Variants in ROR2 observed in about 807,000 individuals in gnomAD.
ROR2 encodes ROR family WNT receptor 2.
In ROR2, 33 loss-of-function variants were observed where a neutral mutation model predicts 74.9. That is an observed-to-expected ratio of 0.44 (90% CI 0.33 to 0.59). The LOEUF (loss-of-function observed/expected upper bound fraction) is 0.59. ROR2 is among the 20% of genes least tolerant of loss of function. The probability of loss-of-function intolerance (pLI) is 0.02; values close to 1 mark genes in which losing one functional copy is unlikely to be tolerated. For missense variants in ROR2, 1,216 were observed against 1,313.8 expected (o/e 0.93, Z 1.15); for synonymous variants, 586 against 558.7 (o/e 1.05, Z -0.69).
At chr9:91,856,307 G>T (rs1394678425) in intron 1 of ROR2, among the ~76,000 whole-genome samples, 1 of 152,194 alleles carries the variant, frequency 6.6e-6, no homozygotes, top group Non-Finnish European at 1.5e-5. Flanking sequence ...GTGAGCTGTG[G>T]TTGCACCACT....
chr9:91,915,530 G>C (rs896578824), intron 1 of ROR2, among the ~76,000 whole-genome samples: 4 of 152,070 alleles, frequency 2.6e-5, no homozygotes, highest in Non-Finnish European at 4.4e-5. Context: ...GCTTTCAAAG[G>C]TGGCACTGGA....
At chr9:91,778,456 G>A (rs554515420) in intron 1 of ROR2, among the ~76,000 whole-genome samples, 3 of 152,304 alleles carry the variant, frequency 2.0e-5, no homozygotes, top group East Asian at 3.9e-4. Flanking sequence ...TTCACCTGGT[G>A]CAGGCACCCT....
At chr9:91,798,748 G>A (rs543842720) in intron 1 of ROR2, among the ~76,000 whole-genome samples, 33 of 152,198 alleles carry the variant, frequency 2.2e-4, no homozygotes, top group African/African-American at 8.0e-4. Context: ...AGTGTGAGAT[G>A]CCCCCTCTCA....
At chr9:91,773,127 C>A (rs866699591) in intron 2 of ROR2, among the ~76,000 whole-genome samples, 7 of 152,154 alleles carry the variant, frequency 4.6e-5, no homozygotes, top group African/African-American at 1.4e-4. Flanking sequence ...GCCCCTGCAG[C>A]CCTCTGCTCC....
chr9:91,883,520 T>C (rs1830179553), intron 1 of ROR2: 1 of 152,224 alleles, frequency 6.6e-6, no homozygotes, highest in African/African-American at 2.4e-5. Flanking sequence ...AGATCAGAAA[T>C]GCAGTTCTTC....
intron 1 of ROR2, among the ~76,000 whole-genome samples, chr9:91,876,441 G>A (rs1415750460): frequency 6.6e-6 from 1 of 152,104 alleles, no homozygotes; most frequent in Non-Finnish European, 1.5e-5. Context: ...AGGGTCCCTG[G>A]TAAAATAGCC....
intron 1 of ROR2, among the ~76,000 whole-genome samples, chr9:91,855,735 G>A (rs1043650593): frequency 1.3e-5 from 2 of 152,110 alleles, no homozygotes; most frequent in African/African-American, 2.4e-5. Context: ...GGGTGGTATG[G>A]GGGAGAAGCA....
intron 5 of ROR2, among the ~76,000 whole-genome samples, chr9:91,735,199 A>G (rs1314440775): frequency 6.6e-6 from 1 of 152,216 alleles, no homozygotes; most frequent in Non-Finnish European, 1.5e-5. Flanking sequence ...TCTAGGCACA[A>G]AGAGATCCAA....
chr9:91,873,882 TA>T (rs1829878447), intron 1 of ROR2, among the ~76,000 whole-genome samples: 1 of 152,198 alleles, frequency 6.6e-6, no homozygotes, highest in Non-Finnish European at 1.5e-5. Flanking sequence ...ATTCAGGCTG[TA>T]AATTACCTTT....
At position 91,887,688 on chromosome 9, in the gene ROR2, T is replaced by C. The variant is rs546595756; in HGVS notation, c.97+62179A>G. ...CTGAGTAGGAGAAGCATGATTCAGC[T>C]TTTCCAGTAATTGCTAAATTGCCCA... is the stretch of plus-strand genomic sequence containing the variant. On this transcript the variant is annotated intron_variant, in intron 1 of 8. Transcript: ENST00000375708. Among the ~76,000 whole-genome samples the C allele has an allele frequency of 5.9e-5, 9 of 152,248 alleles. No individual in the cohort carries two copies. The South Asian group carries it at 1.7e-3, about 28-fold the overall frequency.
At chr9:91,728,867 C>T (rs992933483) in intron 7 of ROR2, among the ~76,000 whole-genome samples, 1 of 152,176 alleles carries the variant, frequency 6.6e-6, no homozygotes, top group Admixed American at 6.5e-5. Context: ...CTGCATGCCA[C>T]TCCACAGCAC....
chr9:91,762,987 T>C (rs1012883347), intron 2 of ROR2, among the ~76,000 whole-genome samples: 6 of 152,164 alleles, frequency 3.9e-5, no homozygotes, highest in African/African-American at 1.2e-4. Context: ...CACCATGGAA[T>C]ACAATGCAGC....
intron 1 of ROR2, chr9:91,923,899 A>G (rs1158304842): frequency 6.6e-6 from 1 of 152,250 alleles, no homozygotes; most frequent in Admixed American, 6.5e-5. Flanking sequence ...CAGGTGGCAG[A>G]AGTGTTGGGT....
At chr9:91,757,695 G>C (rs1564255788) in intron 2 of ROR2, 136 bp from the exon 3 acceptor site, 1 of 892,676 alleles carries the variant, frequency 1.1e-6, no homozygotes, top group Non-Finnish European at 1.8e-6. Context: ...TGTTATCTGC[G>C]GTAATTATCT....
chr9:91,725,261 C>A (rs1454411798), intron 8 of ROR2, among the ~76,000 whole-genome samples, 154 bp from the exon 9 acceptor site: 1 of 152,194 alleles, frequency 6.6e-6, no homozygotes, highest in African/African-American at 2.4e-5. Flanking sequence ...CCTTGGCCTG[C>A]CCACCCACAG....
chr9:91,806,174 T>G (rs1017873471), intron 1 of ROR2, among the ~76,000 whole-genome samples: 3 of 152,202 alleles, frequency 2.0e-5, no homozygotes, highest in African/African-American at 7.2e-5. Flanking sequence ...TGAGCCACTC[T>G]AACAGCATAC....
At chr9:91,909,860 T>G (rs1361596189) in intron 1 of ROR2, among the ~76,000 whole-genome samples, 27 of 127,576 alleles carry the variant, frequency 2.1e-4, no homozygotes, top group African/African-American at 7.1e-4. Context: ...TTTTTTTTTT[T>G]TTTTTTTTTT....
chr9:91,769,431 C>T (rs1262311044), intron 2 of ROR2, among the ~76,000 whole-genome samples: 3 of 152,194 alleles, frequency 2.0e-5, no homozygotes, highest in Non-Finnish European at 4.4e-5. Context: ...ATATCAGCAC[C>T]TTCAGAGCTG....
At position 91,760,380 on chromosome 9, in the gene ROR2, T is replaced by A. The variant is rs766814929; in HGVS notation, c.176-2821A>T. 2.6e-5 allele frequency among the ~76,000 whole-genome samples: 4 copies of A among 152,142 alleles called. No homozygotes were observed. In the South Asian group the frequency reaches 8.3e-4, roughly 32 times the overall value. On this transcript the variant is annotated intron_variant, in intron 2 of 8. Coordinates refer to ENST00000375708, the MANE Select transcript of ROR2 (RefSeq NM_004560.4). ...TAGGTGCGGTGGCTCACGCCTGTAA[T>A]CCCAGCACTCTGGGAGGCCGAAGCG...
Sources: allele counts gnomAD v4.1 joint callset (sites outside exome capture counted in the v4.1 genomes callset), GRCh38; gene constraint gnomAD v4.1.1; transcripts MANE v1.5; gene names NCBI Gene and HGNC (gene_info 2026-07-23, HGNC 2026-07-21).